MED12L: variants seen among roughly 807,000 people sequenced by gnomAD.
MED12L encodes the protein mediator of RNA polymerase II transcription subunit 12-like protein.
MED12L carries 60 observed loss-of-function variants against 281.3 expected under a neutral mutation model. The observed-to-expected ratio is 0.21, with a 90% CI of 0.17 to 0.26. The LOEUF (loss-of-function observed/expected upper bound fraction) is 0.26. MED12L is among the 10% of genes least tolerant of loss of function. The probability of loss-of-function intolerance (pLI) is 1.00; values close to 1 mark genes in which losing one functional copy is unlikely to be tolerated. For missense variants in MED12L, 2,146 were observed against 2,680.9 expected (o/e 0.80, Z 4.41); for synonymous variants, 974 against 987.2 (o/e 0.99, Z 0.25).
chr3:151,263,384 A>G (rs1281775904), intron 16 of MED12L, among the ~76,000 whole-genome samples: 1 of 152,230 alleles, frequency 6.6e-6, no homozygotes, highest in Admixed American at 6.5e-5. Flanking sequence ...CCAGAAGGAA[A>G]TGTACAAATG....
At position 151,164,006 on chromosome 3, in the gene MED12L, C is replaced by T; in HGVS notation, c.1221C>T (p.Leu407=). The stretch of plus-strand genomic sequence containing the variant: ...TGCTGCAGGTGGCCCCGTCCAGCCT[C>T]CCCATGCCGGGTGGGAACACGGCTT... The part of the protein sequence containing the change: ...LDLLQVAPSS[L]PMPGGNTAFN... The change falls in exon 9 of 45, where the codon CTC becomes CTT. Residue 407 remains leucine, a synonymous_variant. Coordinates refer to ENST00000687756, the MANE Select transcript of MED12L (RefSeq NM_001393769.1). 1 of 1,613,690 alleles carries T rather than the reference C, an allele frequency of 6.2e-7. No homozygotes were observed.
At chr3:151,153,765 C>T (rs576374062) in intron 5 of MED12L, among the ~76,000 whole-genome samples, 1 of 152,054 alleles carries the variant, frequency 6.6e-6, no homozygotes, top group East Asian at 1.9e-4. Flanking sequence ...GACGGGGTTT[C>T]GCCATGTTGG....
chr3:151,199,299 T>A (rs1229397230), intron 16 of MED12L: 4 of 1,613,714 alleles, frequency 2.5e-6, no homozygotes, highest in Non-Finnish European at 3.4e-6. Context: ...CAACTTCCAA[T>A]AATTCCAACA....
intron 2 of MED12L, among the ~76,000 whole-genome samples, chr3:151,109,739 A>G (rs980073200): frequency 1.3e-5 from 2 of 152,224 alleles, no homozygotes; most frequent in African/African-American, 4.8e-5. Flanking sequence ...ATTTAAAAGT[A>G]TGTCTGGATT....
intron 2 of MED12L, among the ~76,000 whole-genome samples, chr3:151,088,928 C>T (rs1719653106): frequency 6.6e-6 from 1 of 152,124 alleles, no homozygotes; most frequent in African/African-American, 2.4e-5. Flanking sequence ...TTTTAACTCT[C>T]CCAAGCAGAC....
intron 16 of MED12L, among the ~76,000 whole-genome samples, chr3:151,209,201 A>T (rs1185479542): frequency 6.6e-6 from 1 of 152,066 alleles, no homozygotes; most frequent in Admixed American, 6.5e-5. Context: ...CTTACACCCA[A>T]CTTCTATTGA....
At chr3:151,116,159 C>A (rs1001415631) in intron 2 of MED12L, among the ~76,000 whole-genome samples, 179 bp from the exon 3 acceptor site, 2 of 151,444 alleles carry the variant, frequency 1.3e-5, no homozygotes. Flanking sequence ...TCCCTCTACA[C>A]ATTTATGTGT....
At chr3:151,324,339 C>T (rs1381039264) in intron 16 of MED12L, among the ~76,000 whole-genome samples, 3 of 152,058 alleles carry the variant, frequency 2.0e-5, no homozygotes, top group Admixed American at 1.3e-4. Flanking sequence ...GGGCTTATTA[C>T]CTGGCAGCAT....
Position 151,158,796 on chromosome 3 carries a change from G to A in MED12L, c.834G>A (p.Leu278=), listed in dbSNP as rs1719618932. Residue 278 remains leucine, a synonymous_variant, in exon 7 of 45, where the codon CTG becomes CTA. Transcript: ENST00000687756. ...TTAAACTCTTGCTACCACTAATGCT[G>A]CAGGTATAGTACATGTCCCCTTGAG... The part of the protein sequence containing the change: ...DLLKLLLPLM[L]QYSDEFVQSA... The A allele has an allele frequency of 1.2e-6, 2 of 1,602,896 alleles. No individual in the cohort carries two copies. Among genetic ancestry groups the A allele is most frequent in the Admixed American group, 1.7e-5 (1 of 59,938 alleles).
At chr3:151,270,243 T>TG (rs1559964090) in intron 16 of MED12L, 5 of 25,480 alleles carry the variant, frequency 2.0e-4, no homozygotes, top group African/African-American at 5.9e-4. Context: ...GTGTGTGTGT[T>TG]TTCTTTTGGG....
chr3:151,247,373 A>G (rs544639930), intron 16 of MED12L, among the ~76,000 whole-genome samples: 3 of 152,132 alleles, frequency 2.0e-5, no homozygotes, highest in Non-Finnish European at 4.4e-5. Flanking sequence ...CAAATGTCCA[A>G]CAATGATAGA....
Position 151,258,630 on chromosome 3 carries a change from C to T in MED12L, c.2250+64964C>T, listed in dbSNP as rs536251121. ...TTTAGATCTAGCCTCAACAAATAAA[C>T]ATCCTTGGGCTTTTTAAGAGTCCAG... On this transcript the variant is annotated intron_variant, in intron 16 of 44. Transcript: ENST00000687756. 5.3e-5 allele frequency among the ~76,000 whole-genome samples: 8 copies of T among 152,108 alleles called. No individual in the cohort carries two copies. The South Asian group carries it at 1.7e-3, about 32-fold the overall frequency.
rs373081880 is a variant in MED12L, at chr3:151,206,770, G to T, written c.2250+13104G>T. On this transcript the variant is annotated intron_variant, in intron 16 of 44. Transcript: ENST00000687756. ...CGCCGTTCTCCTGCCTCAGCCTCCCGAGTAGCTGGGACTACAGGCACCCAC... is the reference window on the plus strand; with the variant it reads ...CGCCGTTCTCCTGCCTCAGCCTCCCTAGTAGCTGGGACTACAGGCACCCAC... Among the ~76,000 whole-genome samples, 325 of 146,442 alleles carry T rather than the reference G, an allele frequency of 2.2e-3. 7 individuals are homozygous for T. In the South Asian group the frequency reaches 0.058, roughly 26 times the overall value.
intron 5 of MED12L, among the ~76,000 whole-genome samples, chr3:151,135,867 C>G (rs566627880): frequency 1.1e-4 from 16 of 152,344 alleles, no homozygotes; most frequent in Admixed American, 1.0e-3. Context: ...AAATATGAAA[C>G]TGCTTGCAAG....
At chr3:151,147,163 C>G (rs1227170536) in intron 5 of MED12L, among the ~76,000 whole-genome samples, 1 of 152,178 alleles carries the variant, frequency 6.6e-6, no homozygotes, top group Non-Finnish European at 1.5e-5. Flanking sequence ...TAACCATTGA[C>G]TCACAGTCAC....
intron 16 of MED12L, among the ~76,000 whole-genome samples, chr3:151,289,657 C>G (rs1022290164): frequency 6.6e-6 from 1 of 152,198 alleles, no homozygotes; most frequent in African/African-American, 2.4e-5. Context: ...CTCAATTATA[C>G]ATGCTATGTG....
At chr3:151,293,667 A>C (rs1311536909) in intron 16 of MED12L, among the ~76,000 whole-genome samples, 1 of 146,790 alleles carries the variant, frequency 6.8e-6, no homozygotes, top group Non-Finnish European at 1.5e-5. Flanking sequence ...ACACACACAC[A>C]CACACACACA....
At chr3:151,420,061 G>A (rs1718067967) in intron 43 of MED12L, among the ~76,000 whole-genome samples, 1 of 152,116 alleles carries the variant, frequency 6.6e-6, no homozygotes, top group Admixed American at 6.5e-5. Context: ...TTTTCTTCCT[G>A]GTTGAGTGAC....
At chr3:151,088,541 C>T (rs1367174620) in intron 2 of MED12L, among the ~76,000 whole-genome samples, 2 of 152,010 alleles carry the variant, frequency 1.3e-5, no homozygotes, top group Admixed American at 1.3e-4. Flanking sequence ...TCTGTCTTTC[C>T]AGAGGGCAGC....
Sources: allele counts gnomAD v4.1 joint callset (sites outside exome capture counted in the v4.1 genomes callset), GRCh38; gene constraint gnomAD v4.1.1; transcripts MANE v1.5; gene names NCBI Gene and HGNC (gene_info 2026-07-23, HGNC 2026-07-21).